XG: variants seen among roughly 807,000 people sequenced by gnomAD.
XG encodes glycoprotein Xg.
XG carries 24 observed loss-of-function variants against 25.7 expected under a neutral mutation model. That is an observed-to-expected ratio of 0.93 (90% confidence interval 0.68 to 1.31). The LOEUF (loss-of-function observed/expected upper bound fraction) is 1.31. Among genes scored for constraint, XG ranks in the 40% most tolerant of loss-of-function variants. The pLI is 0.00. For missense variants in XG, 181 were observed against 187.6 expected (o/e 0.96, Z 0.21); for synonymous variants, 77 against 69.2 (o/e 1.11, Z -0.56).
intron 1 of XG, among the ~76,000 whole-genome samples, chrX:2,758,958 A>ATCTG (rs2050497726): frequency 6.6e-6 from 1 of 151,428 alleles, no homozygotes; most frequent in Admixed American, 6.6e-5. Context: ...CTATCTATTT[A>ATCTG]TCTATCTTTC....
rs1225820827 is a variant in XG at position 2,816,094 on chromosome X, C to G, written c.*1714C>G. The G allele has an allele frequency of 9.0e-6, 1 of 111,651 alleles. No homozygotes were observed. Among genetic ancestry groups the G allele is most frequent in the Non-Finnish European group, 1.9e-5 (1 of 53,146 alleles). The allele number at this position is 111,651 out of a possible 1,213,427, so 9.2% of individuals were successfully genotyped here. A position where few individuals can be genotyped will look rare whatever the true frequency, so the allele number is the denominator to read the frequency against. On this transcript the variant is annotated 3_prime_UTR_variant, in exon 11 of 11. Coordinates refer to ENST00000644266, the MANE Select transcript of XG (RefSeq NM_001141919.2). ...ATGAACATATGAAATACATAGTTAC[C>G]TAATCATGAGACTAAATTCACCTGG... is the stretch of plus-strand genomic sequence containing the variant.
At chrX:2,788,743 T>C (rs1348997596) in intron 4 of XG, among the ~76,000 whole-genome samples, 2 of 110,090 alleles carry the variant, frequency 1.8e-5, no homozygotes, top group Non-Finnish European at 3.8e-5. Flanking sequence ...TAATCTCAGC[T>C]ACTCGGGAGG....
chrX:2,806,123 G>C (rs2086994700), intron 7 of XG, among the ~76,000 whole-genome samples: 1 of 111,464 alleles, frequency 9.0e-6, no homozygotes, highest in Non-Finnish European at 1.9e-5. Flanking sequence ...CACCTCCTGG[G>C]CTCAAGCAAT....
intron 5 of XG, among the ~76,000 whole-genome samples, chrX:2,793,347 C>T (rs1344541546): frequency 3.6e-5 from 4 of 111,808 alleles, no homozygotes; most frequent in South Asian, 7.5e-4. Context: ...AGGGTTAATT[C>T]GGGGTCCAGG....
chrX:2,772,840 C>G (rs557468218), intron 2 of XG, among the ~76,000 whole-genome samples: 3 of 152,252 alleles, frequency 2.0e-5, no homozygotes, highest in African/African-American at 7.2e-5. Flanking sequence ...GTTTTGCTAC[C>G]AAGAGCCCCC....
At chrX:2,786,258 G>GTTTT (rs1569039363) in intron 4 of XG, among the ~76,000 whole-genome samples, 1 of 26,267 alleles carries the variant, frequency 3.8e-5, no homozygotes, top group Non-Finnish European at 8.6e-5. Flanking sequence ...TATCCATGTT[G>GTTTT]TCTTTTTTTT....
chrX:2,762,802 T>C lies in XG; in HGVS notation c.62-7748T>C, dbSNP rs767448444. ...CATGCCGTCCTGGGAGAGAGTGAGA[T>C]GGAGCAAGGACAACCCTCTTAGGGG... On this transcript the variant is annotated intron_variant, in intron 1 of 10. Transcript: ENST00000644266. Among the ~76,000 whole-genome samples, 5 of 152,166 alleles carry C rather than the reference T, an allele frequency of 3.3e-5. No homozygotes were observed. The South Asian group carries it at 1.0e-3, about 32-fold the overall frequency.
rs753288260 is a variant in XG, at chrX:2,794,628, C to A, written c.322+25C>A. 2.5e-6 allele frequency: 3 copies of A among 1,203,161 alleles called. No homozygotes were observed. The African/African-American group carries it at 5.2e-5, about 21-fold the overall frequency. On this transcript the variant is annotated intron_variant, in intron 6 of 10. Coordinates refer to ENST00000644266, the MANE Select transcript of XG (RefSeq NM_001141919.2). Reference sequence around the variant, plus strand: ...GGTAGGTGCCGAGCCTCCCCAGATGCGACACATTGAATTTGCACAGAGAGG... The same window carrying A: ...GGTAGGTGCCGAGCCTCCCCAGATGAGACACATTGAATTTGCACAGAGAGG...
chrX:2,761,192 A>G (rs1229507873), intron 1 of XG, among the ~76,000 whole-genome samples: 1 of 152,198 alleles, frequency 6.6e-6, no homozygotes, highest in African/African-American at 2.4e-5. Context: ...GAAGGGTACA[A>G]TGAGCTCAGG....
Position 2,814,437 on chromosome X carries a change from T to C in XG, c.*57T>C. 8.6e-7 allele frequency: 1 copy of C among 1,165,692 alleles called. No individual in the cohort carries two copies. Among genetic ancestry groups the C allele is most frequent in the African/African-American group, 1.8e-5 (1 of 56,374 alleles). On this transcript the variant is annotated 3_prime_UTR_variant, in exon 11 of 11. Coordinates refer to ENST00000644266, the MANE Select transcript of XG (RefSeq NM_001141919.2). ...AAACAACTAAAACAAGAACCGTGTT[T>C]ATCACTGTTGTGGAGATTTCCTTTT... is the stretch of plus-strand genomic sequence containing the variant.
intron 5 of XG, among the ~76,000 whole-genome samples, chrX:2,793,387 C>T (rs1041364691): frequency 1.2e-4 from 13 of 111,631 alleles, no homozygotes; most frequent in African/African-American, 4.2e-4. Context: ...CCTTGGATCT[C>T]GTTTGAGCCT....
intron 9 of XG, among the ~76,000 whole-genome samples, chrX:2,809,812 G>C: frequency 9.0e-6 from 1 of 111,699 alleles, no homozygotes; most frequent in Admixed American, 9.5e-5. Flanking sequence ...CTTCATGTGG[G>C]CTCTCACATC....
At chrX:2,799,050 A>G (rs1238837870) in intron 7 of XG, among the ~76,000 whole-genome samples, 1 of 110,315 alleles carries the variant, frequency 9.1e-6, no homozygotes, top group Non-Finnish European at 1.9e-5. Context: ...CAGAACCAAG[A>G]CTCAACCACC....
chrX:2,803,704 G>A (rs1449854776), intron 7 of XG, among the ~76,000 whole-genome samples: 1 of 111,072 alleles, frequency 9.0e-6, no homozygotes. Flanking sequence ...TCCATCCAGT[G>A]CAGAGGCTGC....
intron 5 of XG, among the ~76,000 whole-genome samples, chrX:2,791,613 G>A (rs933488153): frequency 9.1e-6 from 1 of 109,468 alleles, no homozygotes; most frequent in African/African-American, 3.3e-5. Flanking sequence ...TGCTTGATAT[G>A]TTCTTACATG....
At chrX:2,794,454 C>A in intron 5 of XG, 81 bp from the exon 6 acceptor site, 1 of 1,051,297 alleles carries the variant, frequency 9.5e-7, no homozygotes, top group Non-Finnish European at 1.3e-6. Flanking sequence ...AAAACCTGTG[C>A]CAGTGCCCCC....
intron 5 of XG, among the ~76,000 whole-genome samples, chrX:2,793,845 T>A (rs2147075428): frequency 9.0e-6 from 1 of 111,574 alleles, no homozygotes; most frequent in East Asian, 2.8e-4. Context: ...GGGCTGGGGT[T>A]AGGAGCATGC....
At chrX:2,778,551 GA>G (rs765835899) in intron 3 of XG, among the ~76,000 whole-genome samples, 1 of 150,022 alleles carries the variant, frequency 6.7e-6, no homozygotes, top group East Asian at 2.0e-4. Context: ...CAAAAGAAAA[GA>G]AAAAAAAAGA....
At chrX:2,776,635 T>G (rs2124472865) in intron 3 of XG, among the ~76,000 whole-genome samples, 1 of 151,698 alleles carries the variant, frequency 6.6e-6, no homozygotes, top group African/African-American at 2.4e-5. Context: ...TAAAAACAGG[T>G]TAGTAAAAAC....
Sources: gnomAD v4.1 joint callset for allele counts (sites outside exome capture counted in the v4.1 genomes callset) on GRCh38, gnomAD v4.1.1 for gene constraint, MANE v1.5 for transcripts, NCBI Gene and HGNC (gene_info 2026-07-23, HGNC 2026-07-21) for gene names.